ABCB1: variants seen among roughly 807,000 people sequenced by gnomAD.
The protein encoded by ABCB1 is ATP binding cassette subfamily B member 1.
A neutral mutation model predicts 142.0 loss-of-function variants in ABCB1; 69 were observed. The observed-to-expected ratio is 0.49, with a 90% CI of 0.40 to 0.59. The LOEUF (loss-of-function observed/expected upper bound fraction) is 0.59, where lower values mean the gene tolerates loss of function less well. Among genes scored for constraint, ABCB1 ranks in the 20% least tolerant of loss-of-function variants. The pLI is 0.00. For synonymous variants in ABCB1, 532 were observed against 539.2 expected (o/e 0.99, Z 0.18); for missense variants, 1,326 against 1,554.7 (o/e 0.85, Z 2.47).
At chr7:87,660,659 ATCT>A (rs1824607149) in intron 1 of ABCB1, among the ~76,000 whole-genome samples, 1 of 151,612 alleles carries the variant, frequency 6.6e-6, no homozygotes, top group African/African-American at 2.4e-5. Flanking sequence ...CCTCTGTTAT[ATCT>A]TCTTTGGCTC....
intron 18 of ABCB1, 133 bp downstream of exon 18, chr7:87,541,224 A>T (rs1031076794): frequency 1.5e-6 from 1 of 665,748 alleles, no homozygotes; most frequent in Non-Finnish European, 2.6e-6. Context: ...TATGTCAGAA[A>T]AACTTGGCTG....
Position 87,504,063 on chromosome 7 carries a change from C to A in ABCB1, c.*180G>T. 1 of 695,550 alleles carries A rather than the reference C, an allele frequency of 1.4e-6. No individual in the cohort carries two copies. The highest frequency in any genetic ancestry group is 2.4e-6 in the Non-Finnish European group (1 of 418,182). 43.1% of individuals were successfully genotyped at this position (695,550 alleles called of 1,614,324 possible). A position where few individuals can be genotyped will look rare whatever the true frequency, so the allele number is the denominator to read the frequency against. ...CAGTTTAAACTATGATTTCTCTCCA[C>A]TTGATGATGTCTCTCACTCTGTTCC... On this transcript the variant is annotated 3_prime_UTR_variant, in exon 28 of 28. Transcript: ENST00000622132.
At chr7:87,648,796 G>T (rs1823282327) in intron 1 of ABCB1, among the ~76,000 whole-genome samples, 1 of 151,972 alleles carries the variant, frequency 6.6e-6, no homozygotes. Context: ...TAATTATAAA[G>T]ATTATTTTGC....
At chr7:87,661,624 C>G (rs534395721) in intron 1 of ABCB1, among the ~76,000 whole-genome samples, 11 of 151,884 alleles carry the variant, frequency 7.2e-5, no homozygotes, top group African/African-American at 2.7e-4. Flanking sequence ...CTGAATAGTA[C>G]TCCCTTGTGT....
At chr7:87,566,440 A>G (rs1817784985) in intron 6 of ABCB1, among the ~76,000 whole-genome samples, 199 bp from the exon 7 acceptor site, 1 of 152,224 alleles carries the variant, frequency 6.6e-6, no homozygotes, top group Non-Finnish European at 1.5e-5. Context: ...GCCCCAGGAA[A>G]TGGACATCGT....
intron 1 of ABCB1, among the ~76,000 whole-genome samples, chr7:87,614,857 G>T (rs1469671304): frequency 6.6e-6 from 1 of 151,392 alleles, no homozygotes; most frequent in Non-Finnish European, 1.5e-5. Flanking sequence ...TTGGTGGGGG[G>T]GGCCGGGGAA....
intron 1 of ABCB1, among the ~76,000 whole-genome samples, chr7:87,673,263 T>G (rs1826007641): frequency 6.6e-6 from 1 of 152,198 alleles, no homozygotes; most frequent in Non-Finnish European, 1.5e-5. Flanking sequence ...AATGTTGACT[T>G]CTCTAGAGAG....
At chr7:87,552,202 T>C (rs2129722743) in intron 9 of ABCB1, among the ~76,000 whole-genome samples, 1 of 152,346 alleles carries the variant, frequency 6.6e-6, no homozygotes, top group African/African-American at 2.4e-5. Flanking sequence ...CAGTTTCTTA[T>C]TGGTAAAGAC....
upstream of ABCB1, among the ~76,000 whole-genome samples, chr7:87,605,555 C>T (rs1819621549): frequency 6.6e-6 from 1 of 151,934 alleles, no homozygotes; most frequent in Non-Finnish European, 1.5e-5. Context: ...AAATGAATGA[C>T]AAAATTAAGA....
intron 21 of ABCB1, among the ~76,000 whole-genome samples, chr7:87,525,044 A>C (rs1318798998): frequency 1.3e-5 from 2 of 152,094 alleles, no homozygotes; most frequent in Non-Finnish European, 2.9e-5. Context: ...AAAAGTGGTG[A>C]GTAAAACAGT....
chr7:87,523,243 G>C (rs1260345718), intron 21 of ABCB1, among the ~76,000 whole-genome samples: 1 of 152,068 alleles, frequency 6.6e-6, no homozygotes. Context: ...CTGCCAAGTA[G>C]CTAAGACTAC....
chr7:87,602,574 T>A (rs1819502593), upstream of ABCB1, among the ~76,000 whole-genome samples: 2 of 152,280 alleles, frequency 1.3e-5, no homozygotes, highest in South Asian at 4.1e-4. Context: ...GTATTTTATG[T>A]ATCCTTTTGA....
intron 21 of ABCB1, among the ~76,000 whole-genome samples, chr7:87,529,264 G>A (rs1255517104): frequency 1.3e-5 from 2 of 152,292 alleles, no homozygotes; most frequent in South Asian, 2.1e-4. Flanking sequence ...TAATTCAACA[G>A]GGTTATTGAC....
chr7:87,691,788 A>G (rs1828039123), intron 1 of ABCB1, among the ~76,000 whole-genome samples: 1 of 152,144 alleles, frequency 6.6e-6, no homozygotes, highest in African/African-American at 2.4e-5. Context: ...ACAACTGACT[A>G]ATTATCCTCC....
At chr7:87,564,991 A>G (rs1045207390) in intron 7 of ABCB1, among the ~76,000 whole-genome samples, 3 of 152,352 alleles carry the variant, frequency 2.0e-5, no homozygotes, top group Admixed American at 2.0e-4. Context: ...ATCCCCAGAA[A>G]CATTATTTGA....
rs568519031 is a variant in ABCB1 at position 87,593,326 on chromosome 7, G to T, written c.117+2440C>A. ...TTGCTTTAGATTTTATTCTACTTTT[G>T]TGTTTCTGTAAATGTTGAAACAAGG... On this transcript the variant is annotated intron_variant, in intron 3 of 27. Transcript: ENST00000622132. 3.3e-5 allele frequency among the ~76,000 whole-genome samples: 5 copies of T among 152,250 alleles called. No individual in the cohort carries two copies. The East Asian group carries it at 9.6e-4, about 29-fold the overall frequency.
At chr7:87,695,277 C>G (rs1563140320) in intron 1 of ABCB1, among the ~76,000 whole-genome samples, 1 of 152,024 alleles carries the variant, frequency 6.6e-6, no homozygotes, top group Non-Finnish European at 1.5e-5. Context: ...TAAACCTCAA[C>G]TAATAATAGT....
At chr7:87,606,835 A>G (rs762088804) in intron 1 of ABCB1, among the ~76,000 whole-genome samples, 4 of 152,086 alleles carry the variant, frequency 2.6e-5, no homozygotes, top group African/African-American at 4.8e-5. Context: ...AATATTTTTT[A>G]TAAAAGTTTG....
intron 1 of ABCB1, among the ~76,000 whole-genome samples, chr7:87,607,423 C>T (rs549880672): frequency 6.6e-6 from 1 of 152,256 alleles, no homozygotes; most frequent in African/African-American, 2.4e-5. Flanking sequence ...GTGCTCAATT[C>T]CTCCTTTGGG....
Sources: allele counts gnomAD v4.1 joint callset (sites outside exome capture counted in the v4.1 genomes callset), GRCh38; gene constraint gnomAD v4.1.1; transcripts MANE v1.5; gene names NCBI Gene and HGNC (gene_info 2026-07-23, HGNC 2026-07-21).